The following ACYP2 variants were observed in gnomAD, a reference collection of about 807,000 sequenced individuals.
ACYP2 encodes the protein acylphosphatase 2.
Under a neutral mutation model 11.2 loss-of-function variants are expected in ACYP2, and 12 were observed. The observed-to-expected ratio is 1.08, with a 90% CI of 0.69 to 1.74. ACYP2 has a LOEUF of 1.74. Among genes scored for constraint, ACYP2 ranks in the 40% most tolerant of loss-of-function variants. The pLI, the probability that ACYP2 is intolerant of heterozygous loss-of-function variation, is 0.00. For synonymous variants in ACYP2, 43 were observed against 32.2 expected, an observed-to-expected ratio of 1.33 and a Z score of -1.13; for missense variants, 134 against 101.9, an observed-to-expected ratio of 1.31 and a Z score of -1.35.
intron 6 of ACYP2, among the ~76,000 whole-genome samples, chr2:54,153,358 C>T (rs573053502): frequency 2.0e-5 from 3 of 151,638 alleles, no homozygotes; most frequent in Non-Finnish European, 2.9e-5. Flanking sequence ...ATGTCAGTAC[C>T]ATGCTGTTTT....
At chr2:54,189,477 T>G (rs980113913) in intron 6 of ACYP2, among the ~76,000 whole-genome samples, 1 of 152,238 alleles carries the variant, frequency 6.6e-6, no homozygotes, top group African/African-American at 2.4e-5. Context: ...ATCCATGTTG[T>G]GGCAAATGGC....
chr2:54,021,348 C>A (rs1003958084), intron 2 of ACYP2, among the ~76,000 whole-genome samples: 2 of 152,002 alleles, frequency 1.3e-5, no homozygotes, highest in African/African-American at 4.8e-5. Context: ...GCAAGGAGAA[C>A]GAGGAAGTTA....
intron 6 of ACYP2, among the ~76,000 whole-genome samples, chr2:54,289,600 AAC>A (rs1406430112): frequency 1.3e-5 from 2 of 152,010 alleles, no homozygotes; most frequent in African/African-American, 4.8e-5. Flanking sequence ...CTGTCTACAT[AAC>A]AGACTGAAAT....
At chr2:54,239,819 T>C (rs1363063997) in intron 6 of ACYP2, among the ~76,000 whole-genome samples, 2 of 152,222 alleles carry the variant, frequency 1.3e-5, no homozygotes, top group Admixed American at 1.3e-4. Flanking sequence ...AAGCTAAATA[T>C]GCTGTTTTCA....
intron 5 of ACYP2, among the ~76,000 whole-genome samples, chr2:54,136,590 C>T (rs182797108): frequency 3.3e-5 from 5 of 152,258 alleles, no homozygotes; most frequent in East Asian, 1.9e-4. Flanking sequence ...TAGCTGTTAC[C>T]ATTTTGATTT....
chr2:54,081,768 C>T (rs1677669731), intron 4 of ACYP2, among the ~76,000 whole-genome samples: 1 of 152,184 alleles, frequency 6.6e-6, no homozygotes. Context: ...GGGTGGTTCT[C>T]CTGTTCTGAG....
intron 6 of ACYP2, among the ~76,000 whole-genome samples, chr2:54,233,119 AT>A (rs1330966296): frequency 6.6e-6 from 1 of 151,294 alleles, no homozygotes; most frequent in Non-Finnish European, 1.5e-5. Context: ...GATCATGTGG[AT>A]TTTTTTCTTT....
chr2:54,166,025 A>G (rs1171482628), intron 6 of ACYP2, among the ~76,000 whole-genome samples: 3 of 152,188 alleles, frequency 2.0e-5, no homozygotes, highest in Admixed American at 1.3e-4. Flanking sequence ...GAAGTTTTAC[A>G]TTCAGTTTAA....
At chr2:54,159,513 AT>A (rs766880558) in intron 6 of ACYP2, among the ~76,000 whole-genome samples, 1 of 151,876 alleles carries the variant, frequency 6.6e-6, no homozygotes, top group African/African-American at 2.4e-5. Context: ...CAGCCAGGAT[AT>A]TTTTGAATAG....
At chr2:54,189,321 T>C (rs893788899) in intron 6 of ACYP2, among the ~76,000 whole-genome samples, 1 of 152,192 alleles carries the variant, frequency 6.6e-6, no homozygotes, top group South Asian at 2.1e-4. Flanking sequence ...CATTTCCCTG[T>C]TTCCTCCCCC....
chr2:54,085,943 C>T (rs1677924179), intron 4 of ACYP2, among the ~76,000 whole-genome samples: 6 of 151,990 alleles, frequency 3.9e-5, no homozygotes, highest in African/African-American at 1.2e-4. Context: ...CTTTGAGTCA[C>T]TTTTTATTTT....
At chr2:54,013,698 GAC>G (rs1673521591) in intron 2 of ACYP2, among the ~76,000 whole-genome samples, 1 of 145,368 alleles carries the variant, frequency 6.9e-6, no homozygotes, top group South Asian at 2.2e-4. Context: ...AACAGTTCCA[GAC>G]ACAGAGAAGC....
At chr2:54,126,597 CAAAAAA>C (rs34045950) in intron 4 of ACYP2, among the ~76,000 whole-genome samples, 1 of 109,654 alleles carries the variant, frequency 9.1e-6, no homozygotes, top group Admixed American at 1.0e-4. Flanking sequence ...GTCAAATTTG[CAAAAAA>C]AAAAAAAAAA....
chr2:54,278,221 G>A (rs1434163892), intron 6 of ACYP2, among the ~76,000 whole-genome samples: 1 of 152,070 alleles, frequency 6.6e-6, no homozygotes, highest in African/African-American at 2.4e-5. Flanking sequence ...CTCGTGATCC[G>A]CCCGCCTCGG....
Position 54,077,355 on chromosome 2 carries a change from CTTGTTG to C in ACYP2, c.277+20007_277+20012del, listed in dbSNP as rs554580741. On this transcript the variant is annotated intron_variant, in intron 4 of 6. Transcript: ENST00000607452. ...CCATTGTTTGCTTTATAAGGGCAAA[CTTGTTG>C]TTGTTGTTGTTTAACATTTTATTTT... 6.9e-4 allele frequency among the ~76,000 whole-genome samples: 105 copies of C among 152,258 alleles called. 1 individual carries two copies. In the South Asian group the frequency reaches 0.018, roughly 27 times the overall value.
At position 54,135,081 on chromosome 2, in the gene ACYP2, C is replaced by T. The variant is rs770746986; in HGVS notation, c.278-372C>T. On this transcript the variant is annotated intron_variant, in intron 4 of 6. Transcript: ENST00000607452. The stretch of plus-strand genomic sequence containing the variant: ...TGCCAGCATCACTACTCTCGTGCTT[C>T]GGGGTTCATCATTAAGTAAAATAAG... 3.3e-5 allele frequency among the ~76,000 whole-genome samples: 5 copies of T among 152,136 alleles called. No homozygotes were observed. In the South Asian group the frequency reaches 6.2e-4, roughly 19 times the overall value.
At chr2:54,095,512 G>A (rs1227933092) in intron 4 of ACYP2, among the ~76,000 whole-genome samples, 3 of 150,300 alleles carry the variant, frequency 2.0e-5, no homozygotes, top group Non-Finnish European at 3.0e-5. Flanking sequence ...CTGGGCGGGG[G>A]GCTGACCCCC....
At chr2:54,201,680 T>TTCTTTCTTTCTTTCTCTCTC (rs1395606887) in intron 6 of ACYP2, among the ~76,000 whole-genome samples, 13 of 107,292 alleles carry the variant, frequency 1.2e-4, no homozygotes, top group African/African-American at 2.6e-4. Context: ...CTTTCTTTCT[T>TTCTTTCTTTCTTTCTCTCTC]TCTCTCTCTC....
intron 6 of ACYP2, among the ~76,000 whole-genome samples, chr2:54,182,044 A>C (rs1167247547): frequency 7.2e-6 from 1 of 139,782 alleles, no homozygotes; most frequent in Non-Finnish European, 1.5e-5. Context: ...AAAATAGAAG[A>C]TAATTTTTTT....
Sources: gnomAD v4.1 joint callset for allele counts (sites outside exome capture counted in the v4.1 genomes callset) on GRCh38, gnomAD v4.1.1 for gene constraint, MANE v1.5 for transcripts, NCBI Gene and HGNC (gene_info 2026-07-23, HGNC 2026-07-21) for gene names.